Variants in PRKN observed in about 807,000 individuals in gnomAD.
PRKN encodes the protein E3 ubiquitin-protein ligase parkin.
A neutral mutation model predicts 59.5 loss-of-function variants in PRKN; 56 were observed. That is an observed-to-expected ratio of 0.94 (90% CI 0.76 to 1.18). The LOEUF (loss-of-function observed/expected upper bound fraction) is 1.18, where lower values mean the gene tolerates loss of function less well. PRKN is among the 50% of genes most tolerant of loss of function. The pLI is 0.00. For missense variants in PRKN, 657 were observed against 596.4 expected, an observed-to-expected ratio of 1.10 and a Z score of -1.06; for synonymous variants, 250 against 222.1, an observed-to-expected ratio of 1.13 and a Z score of -1.12.
intron 2 of PRKN, among the ~76,000 whole-genome samples, chr6:162,361,762 A>G (rs1785152942): frequency 6.6e-6 from 1 of 152,192 alleles, no homozygotes; most frequent in African/African-American, 2.4e-5. Context: ...TTTTTCCACT[A>G]AAGGAATTAT....
At chr6:161,596,881 G>T (rs1255090003) in intron 7 of PRKN, among the ~76,000 whole-genome samples, 2 of 152,076 alleles carry the variant, frequency 1.3e-5, no homozygotes, top group Non-Finnish European at 2.9e-5. Flanking sequence ...TCCATGTCTC[G>T]GCAGCAGGGA....
intron 1 of PRKN, among the ~76,000 whole-genome samples, chr6:162,659,361 G>A (rs1430932322): frequency 6.6e-6 from 1 of 151,982 alleles, no homozygotes; most frequent in Non-Finnish European, 1.5e-5. Context: ...TATTGCCTCT[G>A]AAAAAGAGCT....
chr6:161,677,566 C>G (rs1441112592), intron 7 of PRKN, among the ~76,000 whole-genome samples: 3 of 152,136 alleles, frequency 2.0e-5, no homozygotes, highest in Non-Finnish European at 4.4e-5. Context: ...AGCAAGGGTG[C>G]CTTCTATGCT....
chr6:161,431,853 T>G (rs1487955150), intron 9 of PRKN, among the ~76,000 whole-genome samples: 1 of 152,170 alleles, frequency 6.6e-6, no homozygotes, highest in Non-Finnish European at 1.5e-5. Flanking sequence ...CCTCAGGCAA[T>G]CCACACCCGC....
Position 161,651,175 on chromosome 6 carries a change from G to C in PRKN, c.872-81759C>G, listed in dbSNP as rs77310267. Reference sequence around the variant, plus strand: ...ATACATCTAAGATTTATCACTGCAAGTAGATACTTAATGTCTGTGTTTGGA... The same window carrying C: ...ATACATCTAAGATTTATCACTGCAACTAGATACTTAATGTCTGTGTTTGGA... On this transcript the variant is annotated intron_variant, in intron 7 of 11. Coordinates refer to ENST00000366898, the MANE Select transcript of PRKN (RefSeq NM_004562.3). Among the ~76,000 whole-genome samples, 1,241 of 152,276 alleles carry C rather than the reference G, an allele frequency of 8.1e-3. 18 individuals carry two copies. The highest frequency in any genetic ancestry group is 0.028 in the African/African-American group (1,165 of 41,546).
intron 6 of PRKN, among the ~76,000 whole-genome samples, chr6:161,957,250 C>A (rs560180047): frequency 1.3e-5 from 2 of 152,260 alleles, no homozygotes; most frequent in African/African-American, 4.8e-5. Flanking sequence ...TCTGAACTAT[C>A]ACCACAACCT....
At chr6:161,882,942 T>A (rs1282806698) in intron 6 of PRKN, among the ~76,000 whole-genome samples, 1 of 151,108 alleles carries the variant, frequency 6.6e-6, no homozygotes, top group Non-Finnish European at 1.5e-5. Flanking sequence ...GAGGTGGAGG[T>A]TGCAGTGAGC....
rs74562044 is a variant in PRKN at position 162,410,183 on chromosome 6, G to A, written c.171+33127C>T. ...CTGCTGTTTTTTCTGCTCCTGCTGA[G>A]AGACTTGCAAAGAATAAAATCTTTT... On this transcript the variant is annotated intron_variant, in intron 2 of 11. Transcript: ENST00000366898. Among the ~76,000 whole-genome samples, 1,142 of 149,518 alleles carry A rather than the reference G, an allele frequency of 7.6e-3. 17 individuals carry two copies. Among genetic ancestry groups the A allele is most frequent in the East Asian group, 0.027 (133 of 4,998 alleles).
chr6:161,504,347 T>G (rs1443312477), intron 9 of PRKN, among the ~76,000 whole-genome samples: 1 of 152,102 alleles, frequency 6.6e-6, no homozygotes, highest in African/African-American at 2.4e-5. Context: ...GGCATAGCCT[T>G]TTCCCAACCC....
chr6:161,686,181 T>C (rs746245176), intron 7 of PRKN, among the ~76,000 whole-genome samples: 9 of 152,130 alleles, frequency 5.9e-5, no homozygotes, highest in Non-Finnish European at 7.4e-5. Context: ...TTGAAGTTCC[T>C]GAGTTCAGGT....
chr6:161,683,304 G>A (rs753671568), intron 7 of PRKN, among the ~76,000 whole-genome samples: 34 of 152,270 alleles, frequency 2.2e-4, no homozygotes, highest in East Asian at 3.9e-4. Context: ...TCCCAGACGC[G>A]TCTGGGTCCT....
intron 3 of PRKN, among the ~76,000 whole-genome samples, chr6:162,261,213 C>G (rs1271265214): frequency 6.6e-6 from 1 of 152,000 alleles, no homozygotes; most frequent in Non-Finnish European, 1.5e-5. Context: ...AGGGAGACAC[C>G]CTTACAAATG....
In PRKN at chr6:161,875,458, G is replaced by A. The variant is rs553070574; in HGVS notation, c.735-89550C>T. On this transcript the variant is annotated intron_variant, in intron 6 of 11. Coordinates refer to ENST00000366898, the MANE Select transcript of PRKN (RefSeq NM_004562.3). The stretch of plus-strand genomic sequence containing the variant: ...TCTGCCTGCCTCGGCCTCCCAAAGT[G>A]CTGGGATTACAGGCGTGAGCCACTG... Among the ~76,000 whole-genome samples, 28 of 152,126 alleles carry A rather than the reference G, an allele frequency of 1.8e-4. No homozygotes were observed. In the East Asian group the frequency reaches 4.6e-3, roughly 25 times the overall value.
At chr6:161,796,684 T>A (rs187054996) in intron 6 of PRKN, among the ~76,000 whole-genome samples, 158 of 152,320 alleles carry the variant, frequency 1.0e-3, no homozygotes, top group Non-Finnish European at 1.8e-3. Context: ...TCCAAGTTCT[T>A]CAGACTCTAA....
chr6:162,649,140 G>A (rs990347870), intron 1 of PRKN, among the ~76,000 whole-genome samples: 4 of 151,952 alleles, frequency 2.6e-5, no homozygotes, highest in Non-Finnish European at 5.9e-5. Context: ...GAACCTTGAC[G>A]GATACACATA....
chr6:162,498,305 T>C (rs1390997686), intron 1 of PRKN, among the ~76,000 whole-genome samples: 2 of 151,376 alleles, frequency 1.3e-5, no homozygotes, highest in African/African-American at 4.8e-5. Context: ...TGTCCTGTCC[T>C]TCCTGACACA....
intron 9 of PRKN, among the ~76,000 whole-genome samples, chr6:161,431,139 A>AC (rs1788630720): frequency 1.2e-4 from 1 of 8,350 alleles, no homozygotes; most frequent in African/African-American, 6.2e-4. Context: ...ACTCTGTCTC[A>AC]AAAAAAAAAA....
chr6:162,406,823 C>T (rs1028424853), intron 2 of PRKN, among the ~76,000 whole-genome samples: 1 of 152,126 alleles, frequency 6.6e-6, no homozygotes, highest in African/African-American at 2.4e-5. Flanking sequence ...GGAAGCTTTT[C>T]AGAATACAGA....
intron 6 of PRKN, among the ~76,000 whole-genome samples, chr6:161,910,422 T>A (rs950788896): frequency 6.6e-6 from 1 of 151,968 alleles, no homozygotes; most frequent in South Asian, 2.1e-4. Flanking sequence ...ACCCGGCTAA[T>A]TTTTGTATTT....
Sources: allele counts gnomAD v4.1 joint callset (sites outside exome capture counted in the v4.1 genomes callset), GRCh38; gene constraint gnomAD v4.1.1; transcripts MANE v1.5; gene names NCBI Gene and HGNC (gene_info 2026-07-23, HGNC 2026-07-21).